The following DSTYK variants were observed in gnomAD, a reference collection of about 807,000 sequenced individuals.
DSTYK encodes the protein RIP-homologous kinase.
A neutral mutation model predicts 98.7 loss-of-function variants in DSTYK; 34 were observed. The ratio of observed to expected loss-of-function variants is 0.34; its 90% CI spans 0.26 to 0.46. DSTYK has a LOEUF of 0.46. DSTYK is among the 20% of genes least tolerant of loss of function. The probability of loss-of-function intolerance (pLI) is 1.00; values close to 1 mark genes in which losing one functional copy is unlikely to be tolerated. For synonymous variants in DSTYK, 462 were observed against 457.3 expected, an observed-to-expected ratio of 1.01 and a Z score of -0.13; for missense variants, 962 against 1,181.7, an observed-to-expected ratio of 0.81 and a Z score of 2.73.
At chr1:205,209,175 A>T (rs1659291281) in intron 1 of DSTYK, among the ~76,000 whole-genome samples, 2 of 152,160 alleles carry the variant, frequency 1.3e-5, no homozygotes, top group Admixed American at 1.3e-4. Flanking sequence ...GTGCCTTGAA[A>T]ACCTCCATCT....
At chr1:205,173,983 G>T (rs1405485747) in intron 2 of DSTYK, among the ~76,000 whole-genome samples, 1 of 152,084 alleles carries the variant, frequency 6.6e-6, no homozygotes, top group Non-Finnish European at 1.5e-5. Context: ...GCCTCCCAAA[G>T]TGCTGGGATT....
In DSTYK at chr1:205,145,363, C is replaced by G. The variant is rs1029011435; in HGVS notation, c.*2195G>C. 6 of 143,592 alleles carry G rather than the reference C, an allele frequency of 4.2e-5. No homozygotes were observed. The highest frequency in any genetic ancestry group is 1.5e-4 in the African/African-American group (6 of 40,828). 8.9% of individuals were successfully genotyped at this position (143,592 alleles called of 1,614,324 possible). ...AGTTTAGGGAGCTACTATGCTCAAA[C>G]ATATCATGATCAGAGCCCAGGATAG... On this transcript the variant is annotated 3_prime_UTR_variant, in exon 13 of 13. Transcript: ENST00000367162.
At chr1:205,152,268 C>T (rs1420153739) in intron 10 of DSTYK, among the ~76,000 whole-genome samples, 1 of 152,188 alleles carries the variant, frequency 6.6e-6, no homozygotes, top group Non-Finnish European at 1.5e-5. Flanking sequence ...ACCTCTGCCT[C>T]CCGGGTTCAA....
chr1:205,190,183 T>G (rs1304135249), intron 1 of DSTYK, among the ~76,000 whole-genome samples: 1 of 152,228 alleles, frequency 6.6e-6, no homozygotes, highest in African/African-American at 2.4e-5. Flanking sequence ...TAGATTTGTT[T>G]GTTTTGTCTG....
intron 10 of DSTYK, among the ~76,000 whole-genome samples, chr1:205,152,701 G>A (rs539128535): frequency 1.3e-5 from 2 of 149,706 alleles, no homozygotes; most frequent in African/African-American, 2.5e-5. Context: ...TATTATATTT[G>A]CTGATTCAGC....
At chr1:205,210,198 C>T (rs1044187284) in intron 1 of DSTYK, among the ~76,000 whole-genome samples, 4 of 152,082 alleles carry the variant, frequency 2.6e-5, no homozygotes, top group African/African-American at 9.7e-5. Flanking sequence ...CCACCGCGCC[C>T]GGCCTCTTCA....
At chr1:205,210,052 C>T (rs1477571368) in intron 1 of DSTYK, among the ~76,000 whole-genome samples, 1 of 152,084 alleles carries the variant, frequency 6.6e-6, no homozygotes, top group Non-Finnish European at 1.5e-5. Flanking sequence ...AGGCCTCAAC[C>T]ACCACACCTG....
intron 1 of DSTYK, among the ~76,000 whole-genome samples, chr1:205,201,155 T>C (rs11240383): frequency 0.48 from 73,353 of 151,900 alleles, 20,994 homozygotes; most frequent in Non-Finnish European, 0.63. Flanking sequence ...TCCACCCGCC[T>C]TGGCCTCCCA....
chr1:205,154,714 C>G (rs1190592010), intron 10 of DSTYK, among the ~76,000 whole-genome samples: 1 of 152,106 alleles, frequency 6.6e-6, no homozygotes, highest in Admixed American at 6.5e-5. Flanking sequence ...TTGGAGGGCT[C>G]AGAAGAAGAC....
At chr1:205,180,340 A>G (rs977891225) in intron 2 of DSTYK, among the ~76,000 whole-genome samples, 1 of 129,864 alleles carries the variant, frequency 7.7e-6, no homozygotes, top group Non-Finnish European at 1.5e-5. Context: ...TTCAACTCCC[A>G]CTTATGAGTG....
intron 1 of DSTYK, among the ~76,000 whole-genome samples, chr1:205,201,460 T>C (rs1056673673): frequency 7.2e-6 from 1 of 138,996 alleles, no homozygotes; most frequent in African/African-American, 2.6e-5. Context: ...ACCTATGAAA[T>C]GCATATCATT....
At chr1:205,182,598 G>A (rs987693367) in intron 2 of DSTYK, among the ~76,000 whole-genome samples, 5 of 150,644 alleles carry the variant, frequency 3.3e-5, no homozygotes, top group African/African-American at 1.2e-4. Context: ...CTGAGGTCAG[G>A]AGTTCGAGAC....
In DSTYK at chr1:205,166,403, G is replaced by C. The variant is rs1241220919; in HGVS notation, c.1325-2448C>G. On this transcript the variant is annotated intron_variant, in intron 3 of 12. Coordinates refer to ENST00000367162, the MANE Select transcript of DSTYK (RefSeq NM_015375.3). The stretch of plus-strand genomic sequence containing the variant: ...ACGATGGCTCATACCTGTAATCCTA[G>C]CACTTTGTGGGGGCTGAAGCAGGAG... Among the ~76,000 whole-genome samples the C allele has an allele frequency of 7.9e-5, 12 of 151,492 alleles. No homozygotes were observed. The East Asian group carries it at 2.3e-3, about 29-fold the overall frequency.
rs1456262397 is a variant in DSTYK at position 205,147,635 on chromosome 1, T to A, written c.2713A>T (p.Met905Leu). The A allele has an allele frequency of 1.2e-6, 2 of 1,614,042 alleles. No individual in the cohort carries two copies. The highest frequency in any genetic ancestry group is 2.7e-5 in the African/African-American group (2 of 74,948). Residue 905 changes from methionine to leucine, a missense_variant, in exon 13 of 13, where the codon ATG (methionine) becomes TTG (leucine). Around this residue, in one of 4 missense-constraint regions of DSTYK, gnomAD observed 65 missense variants for 63.9 expected, o/e 1.02. Coordinates refer to ENST00000367162, the MANE Select transcript of DSTYK (RefSeq NM_015375.3). ...KRPLLGIVQPMLQGIMNRLCK... is the reference protein window; with the variant it reads ...KRPLLGIVQPLLQGIMNRLCK... ...AGCCGATTCATGATGCCCTGGAGCA[T>A]GGGCTGGACAATGCCCAAGAGAGGC...
chr1:205,148,370 G>A (rs374801448), intron 11 of DSTYK, 31 bp from the exon 12 acceptor site: 1 of 1,609,180 alleles, frequency 6.2e-7, no homozygotes, highest in Non-Finnish European at 8.5e-7. Flanking sequence ...AACGTAATGA[G>A]CCACAGAGAG....
rs775839288 is a variant in DSTYK, at chr1:205,159,650, T to C, written c.2135A>G (p.Asp712Gly). The C allele has an allele frequency of 1.2e-6, 2 of 1,613,700 alleles. No individual in the cohort carries two copies. Among genetic ancestry groups the C allele is most frequent in the Non-Finnish European group, 1.7e-6 (2 of 1,179,990 alleles). ...GTAGTCAATGACTGAACCATGGAGA[T>C]CCACCAATCGCTCATGCTTCGGCAG... is the stretch of plus-strand genomic sequence containing the variant. ...RSLPKHERLVDLHGSVIDYNY... is the reference protein window; with the variant it reads ...RSLPKHERLVGLHGSVIDYNY... Residue 712 changes from aspartate (D) to glycine (G), a missense_variant, in exon 9 of 13, where the codon GAT becomes GGT. Asp to Gly is a moderately conservative substitution (Grantham distance 94, BLOSUM62 -1). Around this residue, in one of 4 missense-constraint regions of DSTYK, gnomAD observed 660 missense variants for 855.0 expected, o/e 0.77. Coordinates refer to ENST00000367162, the MANE Select transcript of DSTYK (RefSeq NM_015375.3).
At chr1:205,195,622 A>AATGCACTCTAGT (rs1658843296) in intron 1 of DSTYK, among the ~76,000 whole-genome samples, 4 of 152,208 alleles carry the variant, frequency 2.6e-5, no homozygotes, top group Admixed American at 6.5e-5. Context: ...TAGAGACTGA[A>AATGCACTCTAGT]ATGCACTCTA....
chr1:205,148,211 G>A lies in DSTYK; in HGVS notation c.2596C>T (p.Arg866Trp), dbSNP rs780479792. The A allele has an allele frequency of 5.6e-6, 9 of 1,614,054 alleles. No homozygotes were observed. The highest frequency in any genetic ancestry group is 2.2e-5 in the East Asian group (1 of 44,878). The change falls in exon 12 of 13, where the codon CGG (arginine) becomes TGG (tryptophan). Residue 866 changes from arginine to tryptophan, a missense_variant. By Grantham distance (101) the Arg-to-Trp change is moderately radical. Coordinates refer to ENST00000367162, the MANE Select transcript of DSTYK (RefSeq NM_015375.3). ...TAGTACTTGTGGCTCTTACCCCTCC[G>A]CACATTGTTCCAGAGATGGTCTTTG... ...ASKDHLWNNV[R>W]RGARPERLPV... is the part of the protein sequence containing the mutation.
In DSTYK at chr1:205,142,541, G is replaced by GT. The variant is rs1417326917; in HGVS notation, c.*5016dup. ...TGATCTTTATTATACAGCACATCTG[G>GT]TATTTGTGTATCCCAACAAGTATAC... On this transcript the variant is annotated 3_prime_UTR_variant, in exon 13 of 13. Transcript: ENST00000367162. 1.4e-4 allele frequency: 21 copies of GT among 152,160 alleles called. No homozygotes were observed. The highest frequency in any genetic ancestry group is 4.3e-4 in the African/African-American group (18 of 41,418). The allele number at this position is 152,160 out of a possible 1,614,324, so 9.4% of individuals were successfully genotyped here.
Sources: gnomAD v4.1 joint callset for allele counts (sites outside exome capture counted in the v4.1 genomes callset) on GRCh38, gnomAD v4.1.1 for gene constraint, gnomAD v4.1.1 regional missense constraint, MANE v1.5 for transcripts, NCBI Gene and HGNC (gene_info 2026-07-23, HGNC 2026-07-21) for gene names.